ASH2L: variants seen among roughly 807,000 people sequenced by gnomAD.
The protein encoded by ASH2L is set1/Ash2 histone methyltransferase complex subunit ASH2.
In ASH2L, 30 loss-of-function variants were observed where a neutral mutation model predicts 81.1. That is an observed-to-expected ratio of 0.37 (90% CI 0.28 to 0.50). ASH2L has a LOEUF of 0.50. Among genes scored for constraint, ASH2L ranks in the 20% least tolerant of loss-of-function variants. The pLI is 0.95. For synonymous variants in ASH2L, 273 were observed against 279.9 expected, an observed-to-expected ratio of 0.98 and a Z score of 0.24; for missense variants, 559 against 792.1, an observed-to-expected ratio of 0.71 and a Z score of 3.53.
In ASH2L at chr8:38,110,601, C is replaced by T. The variant is rs565641073; in HGVS notation, c.490+134C>T. The T allele has an allele frequency of 9.8e-6, 11 of 1,125,958 alleles. No individual in the cohort carries two copies. The East Asian group carries it at 2.2e-4, about 22-fold the overall frequency. 69.7% of individuals were successfully genotyped at this position (1,125,958 alleles called of 1,614,324 possible). ...GTTGGGGTTTAGCTCTGAATAATTG[C>T]AATTGCCCATTTCAGGTCACATGAT... On this transcript the variant is annotated intron_variant, in intron 4 of 15. Coordinates refer to ENST00000343823, the MANE Select transcript of ASH2L (RefSeq NM_004674.5).
At chr8:38,137,389 CAAAAAAAAAAAA>C (rs71216651) in intron 14 of ASH2L, 4 of 124,228 alleles carry the variant, frequency 3.2e-5, no homozygotes, top group Admixed American at 8.7e-5. Context: ...TCTAAAAATA[CAAAAAAAAAAAA>C]AAAAGAAAAA....
At chr8:38,137,447 C>G (rs1034405082) in intron 14 of ASH2L, 4 of 151,520 alleles carry the variant, frequency 2.6e-5, no homozygotes, top group African/African-American at 9.7e-5. Flanking sequence ...CCTGTATTCT[C>G]AGCTACTCAG....
At chr8:38,138,656 G>A (rs1563264652) in intron 14 of ASH2L, 160 bp from the exon 15 acceptor site, 2 of 590,468 alleles carry the variant, frequency 3.4e-6, no homozygotes, top group African/African-American at 3.7e-5. Context: ...ACATCAGGAT[G>A]TTGACCACTT....
rs572153134 is a variant in ASH2L at position 38,106,396 on chromosome 8, T to C, written c.207T>C (p.Asp69=). The change falls in exon 2 of 16, where the codon GAT becomes GAC. Residue 69 remains aspartate (D), a synonymous_variant. Transcript: ENST00000343823. ...CTTATAGGGAGGCAAACTTGGTCGATGTAAGCGGTGGCTTGGAGACAGAAT... is the reference window on the plus strand; with the variant it reads ...CTTATAGGGAGGCAAACTTGGTCGACGTAAGCGGTGGCTTGGAGACAGAAT... The part of the protein sequence containing the change: ...EAEGGEANLV[D]VSGGLETESS... 2 of 1,614,150 alleles carry C rather than the reference T, an allele frequency of 1.2e-6. No homozygotes were observed. Among genetic ancestry groups the C allele is most frequent in the South Asian group, 1.1e-5 (1 of 91,080 alleles).
At position 38,128,396 on chromosome 8, in the gene ASH2L, A is replaced by G; in HGVS notation, c.1271A>G (p.Glu424Gly). Residue 424 changes from glutamate (E) to glycine (G), a missense_variant, in exon 11 of 16, where the codon GAA becomes GGA. This residue lies in a region of ASH2L where 318 missense variants were observed against 527.0 expected (regional missense o/e 0.60). Transcript: ENST00000343823. ...GTACGGAAAGGTGCCTGGTATTTTGAAATCACTGTGGATGAGATGCCACCA... is the reference window on the plus strand; with the variant it reads ...GTACGGAAAGGTGCCTGGTATTTTGGAATCACTGTGGATGAGATGCCACCA... ...HGVRKGAWYF[E>G]ITVDEMPPDT... 1 of 1,614,148 alleles carries G rather than the reference A, an allele frequency of 6.2e-7. No individual in the cohort carries two copies. Among genetic ancestry groups the G allele is most frequent in the Non-Finnish European group, 8.5e-7 (1 of 1,180,014 alleles).
chr8:38,135,698 G>A lies in ASH2L; in HGVS notation c.1651G>A (p.Gly551Ser), dbSNP rs1802224039. 2 of 1,612,720 alleles carry A rather than the reference G, an allele frequency of 1.2e-6. No homozygotes were observed. Among genetic ancestry groups the A allele is most frequent in the South Asian group, 1.1e-5 (1 of 90,916 alleles). Reference sequence around the variant, plus strand: ...ATTTTATAAAAATGGTGTCAATCAAGGTGTGGCTTACAAAGATATTTTTGA... The same window carrying A: ...ATTTTATAAAAATGGTGTCAATCAAAGTGTGGCTTACAAAGATATTTTTGA... Reference protein sequence around the residue: ...IIFYKNGVNQGVAYKDIFEGV... With the variant: ...IIFYKNGVNQSVAYKDIFEGV... The change falls in exon 14 of 16, where the codon GGT becomes AGT. Residue 551 changes from glycine to serine, a missense_variant. This residue lies in a region of ASH2L where 95 missense variants were observed against 130.7 expected (regional missense o/e 0.73). Coordinates refer to ENST00000343823, the MANE Select transcript of ASH2L (RefSeq NM_004674.5).
chr8:38,138,960 G>T lies in ASH2L; in HGVS notation c.1780-4G>T. Reference sequence around the variant, plus strand: ...CCGTGTTCTGTTTCTCATTCCTCCTGCAGATGAGTGACATGGGCTGGGGCG... The same window carrying T: ...CCGTGTTCTGTTTCTCATTCCTCCTTCAGATGAGTGACATGGGCTGGGGCG... On this transcript the variant is annotated splice_region_variant and splice_polypyrimidine_tract_variant and intron_variant, in intron 15 of 15. Transcript: ENST00000343823. 4.3e-6 allele frequency: 7 copies of T among 1,613,644 alleles called. No individual in the cohort carries two copies. The highest frequency in any genetic ancestry group is 5.9e-6 in the Non-Finnish European group (7 of 1,179,634).
chr8:38,123,924 T>C (rs1801731198), intron 10 of ASH2L, among the ~76,000 whole-genome samples: 3 of 152,202 alleles, frequency 2.0e-5, no homozygotes, highest in African/African-American at 7.2e-5. Flanking sequence ...CACTGCAGCC[T>C]TCACCTCCCT....
chr8:38,137,132 GC>G (rs1448960973), intron 14 of ASH2L, among the ~76,000 whole-genome samples: 1 of 151,326 alleles, frequency 6.6e-6, no homozygotes, highest in African/African-American at 2.4e-5. Flanking sequence ...GGGCACAGTG[GC>G]TCACGCCTGT....
chr8:38,107,292 G>A (rs1810478740), intron 3 of ASH2L, 126 bp downstream of exon 3: 4 of 1,205,452 alleles, frequency 3.3e-6, no homozygotes, highest in South Asian at 1.4e-5. Context: ...TATTCAGCAA[G>A]TAGGATGTTG....
At chr8:38,137,961 G>C (rs1416425141) in intron 14 of ASH2L, 7 of 152,266 alleles carry the variant, frequency 4.6e-5, no homozygotes, top group Admixed American at 2.0e-4. Flanking sequence ...CTCCAAGGAT[G>C]AATTTGAGGG....
At chr8:38,130,172 A>C (rs1361795608) in intron 12 of ASH2L, among the ~76,000 whole-genome samples, 1 of 145,460 alleles carries the variant, frequency 6.9e-6, no homozygotes, top group East Asian at 2.0e-4. Flanking sequence ...TTTTTTGTGA[A>C]GTTTCTCTTC....
chr8:38,114,162 G>A (rs200602964), intron 5 of ASH2L, 30 bp from the exon 6 acceptor site: 500 of 1,287,320 alleles, frequency 3.9e-4, no homozygotes, highest in Admixed American at 8.0e-4. Flanking sequence ...GATTGCAGCA[G>A]TAATAGTCTT....
chr8:38,117,486 TC>T (rs1339905517), intron 8 of ASH2L: 6 of 985,088 alleles, frequency 6.1e-6, no homozygotes, highest in Admixed American at 1.2e-4. Context: ...TCCTCCACTG[TC>T]TTCTTTCAGC....
Position 38,128,811 on chromosome 8 carries a change from A to C in ASH2L, c.1387A>C (p.Lys463Gln), listed in dbSNP as rs1446773277. 1 of 1,614,032 alleles carries C rather than the reference A, an allele frequency of 6.2e-7. No homozygotes were observed. The highest frequency in any genetic ancestry group is 8.5e-7 in the Non-Finnish European group (1 of 1,180,020). The change falls in exon 12 of 16, where the codon AAA (lysine) becomes CAA (glutamine). Residue 463 changes from lysine (K) to glutamine (Q), a missense_variant. Physicochemically the swap from Lys to Gln is moderately conservative, Grantham distance 53. Around this residue, in one of 4 missense-constraint regions of ASH2L, gnomAD observed 318 missense variants for 527.0 expected, o/e 0.60. Coordinates refer to ENST00000343823, the MANE Select transcript of ASH2L (RefSeq NM_004674.5). ...TAAATTTAGCTATTCTTGGCGGAGCAAAAAGGGAACCAAGTTCCACCAGTC... is the reference window on the plus strand; with the variant it reads ...TAAATTTAGCTATTCTTGGCGGAGCCAAAAGGGAACCAAGTTCCACCAGTC... ...YDKFSYSWRS[K>Q]KGTKFHQSIG...
At position 38,106,419 on chromosome 8, in the gene ASH2L, AATC is replaced by A. The variant is rs768447632; in HGVS notation, c.234_236del (p.Ser79del). On this transcript the variant is annotated inframe_deletion, in exon 2 of 16. Coordinates refer to ENST00000343823, the MANE Select transcript of ASH2L (RefSeq NM_004674.5). ...GATGTAAGCGGTGGCTTGGAGACAG[AATC>A]ATCTAATGGAAAAGATACACTAGTA... is the stretch of plus-strand genomic sequence containing the variant. 6.2e-7 allele frequency: 1 copy of A among 1,614,090 alleles called. No individual in the cohort carries two copies.
chr8:38,108,654 G>GA lies in ASH2L; in HGVS notation c.401+1497dup, dbSNP rs1354028840. Among the ~76,000 whole-genome samples, 47 of 150,598 alleles carry GA rather than the reference G, an allele frequency of 3.1e-4. No homozygotes were observed. The East Asian group carries it at 8.4e-3, about 27-fold the overall frequency. ...CCAACATGGTGAAACCCCGTCACCA[G>GA]AAAAAAAAATACAAAAATTAGTTGG... On this transcript the variant is annotated intron_variant, in intron 3 of 15. Transcript: ENST00000343823.
chr8:38,115,172 A>G (rs921435751), intron 7 of ASH2L, among the ~76,000 whole-genome samples, 172 bp downstream of exon 7: 1 of 152,226 alleles, frequency 6.6e-6, no homozygotes, highest in Non-Finnish European at 1.5e-5. Context: ...CCTTCAACCA[A>G]GAGACCAGTG....
At position 38,120,955 on chromosome 8, in the gene ASH2L, G is replaced by A; in HGVS notation, c.971G>A (p.Arg324His). ...ARSDPLFSAQ[R>H]LPPHGYPLEH... is the part of the protein sequence containing the mutation. Reference sequence around the variant, plus strand: ...AGTGACCCTTTGTTTTCTGCTCAGCGCCTTCCCCCTCATGGCTACCCATTG... The same window carrying A: ...AGTGACCCTTTGTTTTCTGCTCAGCACCTTCCCCCTCATGGCTACCCATTG... The change falls in exon 10 of 16, where the codon CGC becomes CAC. Residue 324 changes from arginine to histidine, a missense_variant. By Grantham distance (29) the Arg-to-His change is conservative. This residue lies in a region of ASH2L where 318 missense variants were observed against 527.0 expected (regional missense o/e 0.60). Transcript: ENST00000343823. 1 of 1,611,878 alleles carries A rather than the reference G, an allele frequency of 6.2e-7. No individual in the cohort carries two copies. The highest frequency in any genetic ancestry group is 8.5e-7 in the Non-Finnish European group (1 of 1,179,312).
Sources: allele counts gnomAD v4.1 joint callset (sites outside exome capture counted in the v4.1 genomes callset), GRCh38; gene constraint gnomAD v4.1.1; regional missense constraint gnomAD v4.1.1; transcripts MANE v1.5; gene names NCBI Gene and HGNC (gene_info 2026-07-23, HGNC 2026-07-21).